The following ERBB4 variants were observed in gnomAD, a reference collection of about 807,000 sequenced individuals.
The protein encoded by ERBB4 is receptor tyrosine-protein kinase erbB-4.
Under a neutral mutation model 158.0 loss-of-function variants are expected in ERBB4, and 42 were observed. The ratio of observed to expected loss-of-function variants is 0.27; its 90% confidence interval spans 0.21 to 0.34. The LOEUF is 0.34. Among genes scored for constraint, ERBB4 ranks in the 10% least tolerant of loss-of-function variants. The pLI is 1.00. For synonymous variants in ERBB4, 583 were observed against 558.7 expected, an observed-to-expected ratio of 1.04 and a Z score of -0.61; for missense variants, 1,333 against 1,624.1, an observed-to-expected ratio of 0.82 and a Z score of 3.08.
intron 20 of ERBB4, among the ~76,000 whole-genome samples, chr2:211,524,402 A>G (rs928990515): frequency 1.6e-4 from 24 of 151,526 alleles, no homozygotes; most frequent in African/African-American, 5.6e-4. Flanking sequence ...TGGGTGGTCA[A>G]TGGGACTGGG....
rs1338490688 is a variant in ERBB4, at chr2:211,772,947, A to T, written c.556+15078T>A. ...CACATATATATATATATATATATAT[A>T]TATATATATTTTTTTTTTTAAAGAT... On this transcript the variant is annotated intron_variant, in intron 4 of 27. Coordinates refer to ENST00000342788, the MANE Select transcript of ERBB4 (RefSeq NM_005235.3). Among the ~76,000 whole-genome samples the T allele has an allele frequency of 4.2e-4, 34 of 81,716 alleles. 1 individual carries two copies. The highest frequency in any genetic ancestry group is 2.3e-3 in the African/African-American group (34 of 14,504). 53.6% of individuals were successfully genotyped at this position (81,716 alleles called of 152,430 possible).
intron 9 of ERBB4, among the ~76,000 whole-genome samples, chr2:211,707,207 A>G (rs1315674840): frequency 6.6e-6 from 1 of 152,214 alleles, no homozygotes; most frequent in Non-Finnish European, 1.5e-5. Context: ...GAATGTTAAC[A>G]TGAAGCTCAG....
At chr2:212,242,462 C>G (rs1327966366) in intron 1 of ERBB4, among the ~76,000 whole-genome samples, 1 of 152,052 alleles carries the variant, frequency 6.6e-6, no homozygotes, top group Admixed American at 6.6e-5. Flanking sequence ...TAAACAATCT[C>G]TCATCTCAAG....
intron 3 of ERBB4, among the ~76,000 whole-genome samples, chr2:211,883,934 C>A (rs1484085073): frequency 3.3e-5 from 5 of 152,164 alleles, no homozygotes; most frequent in African/African-American, 1.2e-4. Context: ...CCATGAGGGA[C>A]TGACTCACTC....
rs138770330 is a variant in ERBB4, at chr2:211,566,340, G to A, written c.2302-4252C>T. ...ACGATCACTGTACAGGGAGACTGCA[G>A]CTGGAAGGCCAGATTATAGGTAAAT... On this transcript the variant is annotated intron_variant, in intron 19 of 27. Transcript: ENST00000342788. Among the ~76,000 whole-genome samples the A allele has an allele frequency of 3.6e-3, 549 of 152,336 alleles. 1 individual carries two copies. The highest frequency in any genetic ancestry group is 5.4e-3 in the Non-Finnish European group (366 of 68,036).
chr2:212,208,086 A>G (rs2082821442), intron 1 of ERBB4, among the ~76,000 whole-genome samples: 1 of 152,168 alleles, frequency 6.6e-6, no homozygotes, highest in Non-Finnish European at 1.5e-5. Flanking sequence ...TTGTATTTCT[A>G]TATTATCTAT....
chr2:211,393,409 G>T (rs1476097788), intron 25 of ERBB4, among the ~76,000 whole-genome samples: 4 of 152,096 alleles, frequency 2.6e-5, no homozygotes, highest in Admixed American at 6.6e-5. Context: ...TCCATAGTTG[G>T]CTATCTGACC....
At chr2:212,289,429 T>G (rs1261787122) in intron 1 of ERBB4, among the ~76,000 whole-genome samples, 1 of 152,190 alleles carries the variant, frequency 6.6e-6, no homozygotes, top group African/African-American at 2.4e-5. Context: ...TAGTAAATAT[T>G]TAATCCAGAT....
At chr2:211,741,923 A>T (rs1466622582) in intron 5 of ERBB4, among the ~76,000 whole-genome samples, 1 of 152,186 alleles carries the variant, frequency 6.6e-6, no homozygotes, top group East Asian at 1.9e-4. Flanking sequence ...CCGGTAAATT[A>T]TTGGGGCACT....
At chr2:212,049,651 G>C (rs1575564449) in intron 2 of ERBB4, among the ~76,000 whole-genome samples, 1 of 152,190 alleles carries the variant, frequency 6.6e-6, no homozygotes, top group Non-Finnish European at 1.5e-5. Context: ...ACAATTGTAA[G>C]AATACCAGTT....
intron 3 of ERBB4, among the ~76,000 whole-genome samples, chr2:211,912,977 T>C (rs1408925536): frequency 1.3e-5 from 2 of 152,194 alleles, no homozygotes; most frequent in African/African-American, 4.8e-5. Flanking sequence ...AAATCTGATT[T>C]ACCAGCATAA....
intron 3 of ERBB4, among the ~76,000 whole-genome samples, chr2:211,936,233 A>T (rs2080318492): frequency 6.6e-6 from 1 of 152,098 alleles, no homozygotes; most frequent in Admixed American, 6.6e-5. Context: ...GCCACTTAAA[A>T]AAAAAAGACC....
intron 2 of ERBB4, among the ~76,000 whole-genome samples, chr2:212,079,254 C>G (rs952594976): frequency 6.6e-6 from 1 of 151,778 alleles, no homozygotes; most frequent in Non-Finnish European, 1.5e-5. Flanking sequence ...CTATTTTATT[C>G]CCCTTATGCT....
intron 1 of ERBB4, among the ~76,000 whole-genome samples, chr2:212,153,747 C>T (rs2080945245): frequency 6.6e-6 from 1 of 152,136 alleles, no homozygotes; most frequent in African/African-American, 2.4e-5. Flanking sequence ...TTTATGCCTT[C>T]TACCATATAT....
intron 4 of ERBB4, among the ~76,000 whole-genome samples, chr2:211,769,773 T>G (rs1203735300): frequency 2.6e-5 from 4 of 152,170 alleles, no homozygotes; most frequent in African/African-American, 4.8e-5. Flanking sequence ...GCATTCAGTG[T>G]GGGTGAAAGA....
At chr2:211,666,975 G>A (rs920225993) in intron 14 of ERBB4, among the ~76,000 whole-genome samples, 1 of 152,098 alleles carries the variant, frequency 6.6e-6, no homozygotes, top group African/African-American at 2.4e-5. Flanking sequence ...AAAGATAATG[G>A]GAGTACCTTA....
intron 25 of ERBB4, among the ~76,000 whole-genome samples, chr2:211,396,056 A>G (rs564571072): frequency 1.9e-4 from 29 of 152,164 alleles, no homozygotes; most frequent in Non-Finnish European, 7.4e-5. Context: ...TTTGAATGCC[A>G]TAACTTTAGA....
chr2:212,055,339 C>G (rs1185762924), intron 2 of ERBB4, among the ~76,000 whole-genome samples: 1 of 152,170 alleles, frequency 6.6e-6, no homozygotes, highest in East Asian at 1.9e-4. Flanking sequence ...CTGAATGAGG[C>G]CTCCGTGCTT....
intron 16 of ERBB4, among the ~76,000 whole-genome samples, chr2:211,632,606 T>C (rs1285470068): frequency 6.7e-6 from 1 of 148,908 alleles, no homozygotes; most frequent in African/African-American, 2.5e-5. Context: ...ACGCTCTATT[T>C]TGTTTTTTGT....
Sources: allele counts gnomAD v4.1 joint callset (sites outside exome capture counted in the v4.1 genomes callset), GRCh38; gene constraint gnomAD v4.1.1; transcripts MANE v1.5; gene names NCBI Gene and HGNC (gene_info 2026-07-23, HGNC 2026-07-21).